Variants in PAG1 observed in about 807,000 individuals in gnomAD.
The protein encoded by PAG1 is phosphoprotein associated with glycosphingolipid-enriched microdomains 1.
PAG1 carries 23 observed loss-of-function variants against 31.7 expected under a neutral mutation model. The observed-to-expected ratio is 0.73, with a 90% CI of 0.52 to 1.03. PAG1 has a LOEUF of 1.03. PAG1 is among the 50% of genes least tolerant of loss of function. The probability of loss-of-function intolerance (pLI) is 0.00; values close to 1 mark genes in which losing one functional copy is unlikely to be tolerated. For missense variants in PAG1, 473 were observed against 540.7 expected, an observed-to-expected ratio of 0.87 and a Z score of 1.24; for synonymous variants, 214 against 210.3, an observed-to-expected ratio of 1.02 and a Z score of -0.15.
At chr8:81,079,051 C>T (rs964587282) in intron 1 of PAG1, among the ~76,000 whole-genome samples, 4 of 152,134 alleles carry the variant, frequency 2.6e-5, no homozygotes, top group Non-Finnish European at 5.9e-5. Context: ...GATATCCTTG[C>T]CAGGACTCAA....
chr8:81,099,791 G>T (rs996125051), intron 1 of PAG1, among the ~76,000 whole-genome samples: 4 of 152,340 alleles, frequency 2.6e-5, no homozygotes, highest in Admixed American at 2.6e-4. Context: ...CTGAATTGTG[G>T]TGACAGTTCC....
In PAG1 at chr8:80,973,515, G is replaced by T. The variant is rs2130295364; in HGVS notation, c.*3029C>A. On this transcript the variant is annotated 3_prime_UTR_variant, in exon 9 of 9. Transcript: ENST00000220597. The stretch of plus-strand genomic sequence containing the variant: ...AAACAAAGATCCTACTTTTAACTGA[G>T]ATAGATTTATAATTCTTACTTACAA... 6.6e-6 allele frequency: 1 copy of T among 152,144 alleles called. No homozygotes were observed. Among genetic ancestry groups the T allele is most frequent in the South Asian group, 2.1e-4 (1 of 4,830 alleles). 9.4% of individuals were successfully genotyped at this position (152,144 alleles called of 1,614,324 possible). A position where few individuals can be genotyped will look rare whatever the true frequency, so the allele number is the denominator to read the frequency against.
chr8:81,035,878 CAT>C (rs369652744), intron 2 of PAG1, among the ~76,000 whole-genome samples: 24 of 151,256 alleles, frequency 1.6e-4, no homozygotes, highest in African/African-American at 4.6e-4. Flanking sequence ...CATATATACA[CAT>C]GTGTATATAT....
chr8:80,984,084 A>G lies in PAG1; in HGVS notation c.876+692T>C, dbSNP rs1259838564. 2.6e-5 allele frequency among the ~76,000 whole-genome samples: 4 copies of G among 152,194 alleles called. No homozygotes were observed. In the East Asian group the frequency reaches 7.7e-4, roughly 29 times the overall value. ...CTCTTTTTCTGTGTAGAAAACAGAA[A>G]TTAATTATTAGTTGCCTGAAGTAGA... On this transcript the variant is annotated intron_variant, in intron 7 of 8. Transcript: ENST00000220597.
chr8:81,072,781 G>A (rs1169433886), intron 1 of PAG1, among the ~76,000 whole-genome samples: 2 of 152,100 alleles, frequency 1.3e-5, no homozygotes, highest in East Asian at 1.9e-4. Flanking sequence ...AGTGTGGATG[G>A]GGACCATTGG....
chr8:80,999,900 C>G (rs1807753559), intron 3 of PAG1, among the ~76,000 whole-genome samples: 1 of 152,062 alleles, frequency 6.6e-6, no homozygotes, highest in Non-Finnish European at 1.5e-5. Context: ...GAGAGAGAGA[C>G]AGAGAGAGAC....
At position 81,028,575 on chromosome 8, in the gene PAG1, C is replaced by T. The variant is rs144113430; in HGVS notation, c.-81+1421G>A. On this transcript the variant is annotated intron_variant, in intron 3 of 8. Transcript: ENST00000220597. ...CATCTTAAAGACTTTTTTCATGTAA[C>T]ACAGGCATAATGCAATGTGAAGAAA... is the stretch of plus-strand genomic sequence containing the variant. Among the ~76,000 whole-genome samples the T allele has an allele frequency of 4.6e-5, 7 of 152,306 alleles. No homozygotes were observed. In the East Asian group the frequency reaches 1.3e-3, roughly 29 times the overall value.
chr8:81,015,114 C>T (rs1808051363), intron 3 of PAG1, among the ~76,000 whole-genome samples: 1 of 152,158 alleles, frequency 6.6e-6, no homozygotes, highest in Non-Finnish European at 1.5e-5. Context: ...CAGTTCACAT[C>T]ACTGATTAGA....
Position 80,976,680 on chromosome 8 carries a change from T to G in PAG1, c.1163A>C (p.Glu388Ala). 1 of 1,614,214 alleles carries G rather than the reference T, an allele frequency of 6.2e-7. No homozygotes were observed. Among genetic ancestry groups the G allele is most frequent in the Non-Finnish European group, 8.5e-7 (1 of 1,180,032 alleles). The change falls in exon 9 of 9, where the codon GAA (glutamate) becomes GCA (alanine). Residue 388 changes from glutamate to alanine, a missense_variant. Coordinates refer to ENST00000220597, the MANE Select transcript of PAG1 (RefSeq NM_018440.4). The stretch of plus-strand genomic sequence containing the variant: ...CTCTCTGTTGAGAGTCTGTATCGCT[T>G]CATAATCAGGCTCTGGCTCCTCGCT... ...RPSEEPEPDY[E>A]AIQTLNREEE...
chr8:81,059,320 T>G (rs1221851478), intron 2 of PAG1, among the ~76,000 whole-genome samples: 1 of 151,642 alleles, frequency 6.6e-6, no homozygotes, highest in East Asian at 1.9e-4. Flanking sequence ...GTTGGTTGAA[T>G]CCATGGATGT....
intron 3 of PAG1, among the ~76,000 whole-genome samples, chr8:80,998,321 G>A (rs1807723153): frequency 6.6e-6 from 1 of 151,768 alleles, no homozygotes; most frequent in South Asian, 2.1e-4. Flanking sequence ...GTAGAGACGG[G>A]GTTTCACCAT....
chr8:81,062,793 C>G (rs1466579972), intron 2 of PAG1, among the ~76,000 whole-genome samples: 1 of 152,106 alleles, frequency 6.6e-6, no homozygotes, highest in Admixed American at 6.6e-5. Context: ...ATCCTCCCAC[C>G]TCGGCCTCTT....
chr8:81,003,967 C>T (rs577148298), intron 3 of PAG1, among the ~76,000 whole-genome samples: 1 of 152,320 alleles, frequency 6.6e-6, no homozygotes, highest in South Asian at 2.1e-4. Flanking sequence ...TCACTCCCGA[C>T]AGCCCTTCCA....
At chr8:80,980,832 T>C (rs1380192761) in intron 7 of PAG1, among the ~76,000 whole-genome samples, 3 of 152,246 alleles carry the variant, frequency 2.0e-5, no homozygotes, top group African/African-American at 7.2e-5. Context: ...AAAAACATGG[T>C]GTTTCTTTAT....
chr8:81,056,680 A>G (rs1808828020), intron 2 of PAG1, among the ~76,000 whole-genome samples: 1 of 152,238 alleles, frequency 6.6e-6, no homozygotes, highest in South Asian at 2.1e-4. Flanking sequence ...CATGTCTAAA[A>G]CACCAAAAGC....
intron 2 of PAG1, among the ~76,000 whole-genome samples, chr8:81,061,809 C>A (rs965983533): frequency 1.3e-5 from 2 of 152,062 alleles, no homozygotes; most frequent in Admixed American, 1.3e-4. Context: ...GCCATGGATG[C>A]TTGGGGAAGT....
intron 2 of PAG1, among the ~76,000 whole-genome samples, chr8:81,047,599 G>C (rs938648649): frequency 6.6e-6 from 1 of 152,176 alleles, no homozygotes; most frequent in Non-Finnish European, 1.5e-5. Context: ...GCATGACCTG[G>C]TAAGCAGGAT....
chr8:81,066,284 G>A (rs1285592742), intron 2 of PAG1, among the ~76,000 whole-genome samples: 1 of 152,188 alleles, frequency 6.6e-6, no homozygotes, highest in African/African-American at 2.4e-5. Flanking sequence ...AAAACTTAAC[G>A]ATATGCTGAA....
chr8:80,993,867 A>G (rs1472108285), intron 3 of PAG1, among the ~76,000 whole-genome samples: 2 of 151,996 alleles, frequency 1.3e-5, no homozygotes, highest in Non-Finnish European at 2.9e-5. Context: ...CAGCCTCCCA[A>G]AGTGCTGGGA....
Sources: allele counts gnomAD v4.1 joint callset (sites outside exome capture counted in the v4.1 genomes callset), GRCh38; gene constraint gnomAD v4.1.1; transcripts MANE v1.5; gene names NCBI Gene and HGNC (gene_info 2026-07-23, HGNC 2026-07-21).